The following VDR variants were observed in gnomAD, a reference collection of about 807,000 sequenced individuals.
VDR encodes the protein vitamin D receptor.
VDR carries 19 observed loss-of-function variants against 39.7 expected under a neutral mutation model. The ratio of observed to expected loss-of-function variants is 0.48; its 90% confidence interval spans 0.33 to 0.70. The LOEUF (loss-of-function observed/expected upper bound fraction) is 0.70, where lower values mean the gene tolerates loss of function less well. Ranked by LOEUF, VDR falls within the 30% of genes least tolerant of loss-of-function variation. The probability of loss-of-function intolerance (pLI) is 0.02; values close to 1 mark genes in which losing one functional copy is unlikely to be tolerated. For synonymous variants in VDR, 242 were observed against 215.8 expected, an observed-to-expected ratio of 1.12 and a Z score of -1.07; for missense variants, 442 against 570.5, an observed-to-expected ratio of 0.77 and a Z score of 2.29.
In VDR at chr12:47,843,431, C is replaced by G. The variant is rs373961753; in HGVS notation, c.*1315G>C. The stretch of plus-strand genomic sequence containing the variant: ...GAAGAACGCCTTTCTGTACCGGTCC[C>G]GCACACCTACAGCTCACTCTCACAA... On this transcript the variant is annotated 3_prime_UTR_variant, in exon 10 of 10. Coordinates refer to ENST00000549336, the MANE Select transcript of VDR (RefSeq NM_000376.3). The G allele has an allele frequency of 6.6e-6, 1 of 152,394 alleles. No homozygotes were observed. Among genetic ancestry groups the G allele is most frequent in the South Asian group, 2.1e-4 (1 of 4,826 alleles). The allele number at this position is 152,394 out of a possible 1,614,324, so 9.4% of individuals were successfully genotyped here. A position where few individuals can be genotyped will look rare whatever the true frequency, so the allele number is the denominator to read the frequency against.
intron 1 of VDR, among the ~76,000 whole-genome samples, chr12:47,887,813 C>T (rs1462216893): frequency 6.6e-6 from 1 of 152,228 alleles, no homozygotes; most frequent in Non-Finnish European, 1.5e-5. Context: ...AGAGGCTCAC[C>T]AGTTATGACT....
chr12:47,852,720 A>C (rs1470300007), intron 7 of VDR, among the ~76,000 whole-genome samples: 1 of 152,222 alleles, frequency 6.6e-6, no homozygotes, highest in African/African-American at 2.4e-5. Context: ...TCAGGGCAGA[A>C]ACAAACTGGA....
At chr12:47,904,674 G>A in intron 1 of VDR, 1 of 1,519,668 alleles carries the variant, frequency 6.6e-7, no homozygotes, top group African/African-American at 1.4e-5. Context: ...ACTTCTTGTT[G>A]CCCAAGTGCT....
chr12:47,894,248 C>A (rs944752644), intron 1 of VDR, among the ~76,000 whole-genome samples: 4 of 152,226 alleles, frequency 2.6e-5, no homozygotes, highest in African/African-American at 9.7e-5. Flanking sequence ...CTGTCTGCAG[C>A]CCCCCAGCTG....
intron 3 of VDR, among the ~76,000 whole-genome samples, chr12:47,873,346 G>GTTTT (rs1945924855): frequency 1.5e-4 from 12 of 80,526 alleles, no homozygotes; most frequent in Non-Finnish European, 2.4e-4. Context: ...AATTAAACCT[G>GTTTT]TTTTCTTTTT....
intron 3 of VDR, among the ~76,000 whole-genome samples, chr12:47,869,657 G>C (rs151333815): frequency 0.033 from 5,004 of 152,298 alleles, 109 homozygotes; most frequent in South Asian, 0.068. Context: ...CACTTTGGGA[G>C]GCTGAGGTGG....
intron 1 of VDR, among the ~76,000 whole-genome samples, chr12:47,893,651 C>A (rs1441880294): frequency 6.6e-6 from 1 of 152,186 alleles, no homozygotes; most frequent in Non-Finnish European, 1.5e-5. Flanking sequence ...TTGCCCACAG[C>A]CGCAGGATCC....
At chr12:47,859,259 T>C (rs1436279071) in intron 4 of VDR, among the ~76,000 whole-genome samples, 1 of 152,232 alleles carries the variant, frequency 6.6e-6, no homozygotes, top group Non-Finnish European at 1.5e-5. Flanking sequence ...TCAGCCTGAC[T>C]GGACTTTGCT....
At chr12:47,895,730 G>A (rs1164016863) in intron 1 of VDR, among the ~76,000 whole-genome samples, 1 of 152,100 alleles carries the variant, frequency 6.6e-6, no homozygotes, top group Non-Finnish European at 1.5e-5. Flanking sequence ...TTTTTAAATT[G>A]GCTGTCAATG....
chr12:47,865,197 C>T lies in VDR; in HGVS notation c.147-20G>A. On this transcript the variant is annotated intron_variant, in intron 3 of 9. Transcript: ENST00000549336. ...CTTCGCCTGCCGAGAGAGCACACAC[C>T]CTGCCCTGGGTCACTGAACTTCCGG... 1 of 1,609,362 alleles carries T rather than the reference C, an allele frequency of 6.2e-7. No individual in the cohort carries two copies. The highest frequency in any genetic ancestry group is 8.5e-7 in the Non-Finnish European group (1 of 1,177,820).
intron 6 of VDR, among the ~76,000 whole-genome samples, 185 bp downstream of exon 6, chr12:47,856,944 C>A (rs957646062): frequency 6.6e-6 from 1 of 152,212 alleles, no homozygotes; most frequent in Admixed American, 6.5e-5. Context: ...CAGTGTGGGC[C>A]CTTGGGTAAG....
intron 7 of VDR, among the ~76,000 whole-genome samples, chr12:47,855,381 G>T (rs1202701193): frequency 6.9e-6 from 1 of 143,960 alleles, no homozygotes; most frequent in South Asian, 2.2e-4. Context: ...TTAGCCGGGC[G>T]TGGTGTCTGG....
chr12:47,891,441 G>T (rs1338679930), intron 1 of VDR, among the ~76,000 whole-genome samples: 2 of 152,200 alleles, frequency 1.3e-5, no homozygotes. Context: ...CGAGAGAGGT[G>T]CTGTGAAGGG....
rs116316320 is a variant in VDR at position 47,856,986 on chromosome 12, G to A, written c.583+143C>T. ...CTTTCTGTAACAGAGGGGCTGTTGT[G>A]AAGACGCTGCATAGCGCACAGTATT... is the stretch of plus-strand genomic sequence containing the variant. On this transcript the variant is annotated intron_variant, in intron 6 of 9. Coordinates refer to ENST00000549336, the MANE Select transcript of VDR (RefSeq NM_000376.3). 2.8e-3 allele frequency: 3,646 copies of A among 1,312,762 alleles called. 96 individuals are homozygous for A. In the African/African-American group the frequency reaches 0.047, roughly 17 times the overall value. The allele number at this position is 1,312,762 out of a possible 1,614,324, so 81.3% of individuals were successfully genotyped here. A position where few individuals can be genotyped will look rare whatever the true frequency, so the allele number is the denominator to read the frequency against.
chr12:47,903,943 G>C (rs900027637), intron 1 of VDR, among the ~76,000 whole-genome samples: 135 of 152,264 alleles, frequency 8.9e-4, no homozygotes, highest in African/African-American at 3.1e-3. Flanking sequence ...CCTTCCAGCA[G>C]GGAGCTGGAG....
At chr12:47,846,584 C>T (rs1276756665) in intron 8 of VDR, 73 bp downstream of exon 8, 9 of 1,603,608 alleles carry the variant, frequency 5.6e-6, no homozygotes, top group Non-Finnish European at 7.7e-6. Context: ...TGATTGGAGC[C>T]AAACCCCAGG....
intron 3 of VDR, among the ~76,000 whole-genome samples, chr12:47,865,578 AT>A (rs1383104925): frequency 2.0e-5 from 3 of 151,774 alleles, no homozygotes. Context: ...TGCCTGGCTA[AT>A]TTTTTGATTT....
In VDR at chr12:47,857,490, G is replaced by A; in HGVS notation, c.462+14C>T. On this transcript the variant is annotated intron_variant, in intron 5 of 9. Transcript: ENST00000549336. The stretch of plus-strand genomic sequence containing the variant: ...TCCTCTGGACCGGCTCATCCTCCCA[G>A]CAGGCAGACATACCCGGAACTGGCA... The A allele has an allele frequency of 1.2e-6, 2 of 1,614,120 alleles. No homozygotes were observed. Among genetic ancestry groups the A allele is most frequent in the Non-Finnish European group, 1.7e-6 (2 of 1,180,024 alleles).
intron 3 of VDR, among the ~76,000 whole-genome samples, chr12:47,865,714 CTTT>C (rs34900299): frequency 9.4e-5 from 10 of 106,324 alleles, no homozygotes; most frequent in East Asian, 3.2e-4. Flanking sequence ...CACTCCGACT[CTTT>C]TTTTTTTTTT....
Sources: gnomAD v4.1 joint callset for allele counts (sites outside exome capture counted in the v4.1 genomes callset) on GRCh38, gnomAD v4.1.1 for gene constraint, MANE v1.5 for transcripts, NCBI Gene and HGNC (gene_info 2026-07-23, HGNC 2026-07-21) for gene names.